The following KIF13B variants were observed in gnomAD, a reference collection of about 807,000 sequenced individuals.
KIF13B encodes kinesin family member 13B.
In KIF13B, 127 loss-of-function variants were observed where a neutral mutation model predicts 222.0. The observed-to-expected ratio is 0.57, with a 90% confidence interval of 0.50 to 0.66. The LOEUF is 0.66. Ranked by LOEUF, KIF13B falls within the 30% of genes least tolerant of loss-of-function variation. The pLI, the probability that KIF13B is intolerant of heterozygous loss-of-function variation, is 0.00. For missense variants in KIF13B, 2,173 were observed against 2,379.0 expected (o/e 0.91, Z 1.80); for synonymous variants, 976 against 919.0 (o/e 1.06, Z -1.12).
chr8:29,159,698 C>T (rs566404496), intron 13 of KIF13B, among the ~76,000 whole-genome samples: 1 of 152,244 alleles, frequency 6.6e-6, no homozygotes, highest in African/African-American at 2.4e-5. Context: ...TCACTCCCTC[C>T]TACCCCAGCT....
At chr8:29,115,113 C>T (rs1205501014) in intron 31 of KIF13B, among the ~76,000 whole-genome samples, 2 of 152,120 alleles carry the variant, frequency 1.3e-5, no homozygotes, top group Non-Finnish European at 2.9e-5. Flanking sequence ...ATCAGTGTGA[C>T]ATTTAGAACT....
chr8:29,075,944 C>T (rs1161300628), intron 37 of KIF13B, among the ~76,000 whole-genome samples: 1 of 152,134 alleles, frequency 6.6e-6, no homozygotes, highest in African/African-American at 2.4e-5. Flanking sequence ...ACAACATGAC[C>T]GGAAGAATAT....
At chr8:29,164,683 G>C (rs1186364486) in intron 12 of KIF13B, among the ~76,000 whole-genome samples, 2 of 152,192 alleles carry the variant, frequency 1.3e-5, no homozygotes, top group Admixed American at 1.3e-4. Context: ...AAGCCTGTTA[G>C]ATGGGGTCCT....
In KIF13B at chr8:29,140,610, C is replaced by G. The variant is rs758163466; in HGVS notation, c.2342G>C (p.Arg781Pro). The change falls in exon 20 of 40, where the codon CGA (arginine) becomes CCA (proline). Residue 781 changes from arginine (R) to proline (P), a missense_variant. Around this residue, in one of 2 missense-constraint regions of KIF13B, gnomAD observed 1,480 missense variants for 1,722.8 expected, o/e 0.86. Coordinates refer to ENST00000524189, the MANE Select transcript of KIF13B (RefSeq NM_015254.4). ...KECEEDNPVI[R>P]SYFKRADPFY... ...TGGATCAGCACGTTTGAAGTATGATCGTATTACCTGTAAAGAGATTGAGAA... is the reference window on the plus strand; with the variant it reads ...TGGATCAGCACGTTTGAAGTATGATGGTATTACCTGTAAAGAGATTGAGAA... 3.1e-6 allele frequency: 5 copies of G among 1,612,160 alleles called. No homozygotes were observed. The highest frequency in any genetic ancestry group is 4.2e-6 in the Non-Finnish European group (5 of 1,179,172).
chr8:29,155,314 A>G (rs189152122), intron 14 of KIF13B, among the ~76,000 whole-genome samples: 4 of 152,230 alleles, frequency 2.6e-5, no homozygotes, highest in African/African-American at 9.6e-5. Flanking sequence ...GTGACTCCCC[A>G]CAGGAGAACA....
chr8:29,122,354 C>T (rs1020400566), intron 29 of KIF13B, among the ~76,000 whole-genome samples: 2 of 152,146 alleles, frequency 1.3e-5, no homozygotes, highest in East Asian at 1.9e-4. Flanking sequence ...CACATGGCAC[C>T]GTGAGCTGCA....
chr8:29,111,286 G>A (rs898518875), intron 32 of KIF13B, among the ~76,000 whole-genome samples: 1 of 152,238 alleles, frequency 6.6e-6, no homozygotes, highest in Admixed American at 6.5e-5. Context: ...AGGGTCTGGA[G>A]GGAACAGATA....
chr8:29,191,360 T>G (rs983535046), intron 3 of KIF13B, among the ~76,000 whole-genome samples: 2 of 103,026 alleles, frequency 1.9e-5, no homozygotes, highest in African/African-American at 4.2e-5. Flanking sequence ...ATTAGTGATC[T>G]GTTTCATGTT....
intron 37 of KIF13B, among the ~76,000 whole-genome samples, chr8:29,077,998 G>A (rs751752016): frequency 2.0e-5 from 3 of 151,886 alleles, no homozygotes; most frequent in Non-Finnish European, 4.4e-5. Flanking sequence ...AAAGCAGAGA[G>A]GAGGCCAGGC....
At chr8:29,178,187 T>G (rs571911961) in intron 8 of KIF13B, among the ~76,000 whole-genome samples, 61 of 152,238 alleles carry the variant, frequency 4.0e-4, no homozygotes, top group African/African-American at 1.4e-3. Flanking sequence ...AAAGTACTTA[T>G]AAGACTCAAA....
At chr8:29,126,445 T>G (rs1396704257) in intron 26 of KIF13B, 37 bp downstream of exon 26, 1 of 1,357,780 alleles carries the variant, frequency 7.4e-7, no homozygotes, top group Admixed American at 1.9e-5. Context: ...ACTTTAATCA[T>G]GCTTATTTGA....
intron 36 of KIF13B, among the ~76,000 whole-genome samples, chr8:29,094,806 C>T (rs921917783): frequency 2.6e-5 from 4 of 151,774 alleles, no homozygotes; most frequent in Non-Finnish European, 5.9e-5. Context: ...AGTGCACAGA[C>T]CAGGAACATC....
chr8:29,241,706 G>GAAAAAAAA (rs75531371), intron 2 of KIF13B, among the ~76,000 whole-genome samples: 1 of 96,710 alleles, frequency 1.0e-5, no homozygotes. Flanking sequence ...GCAAGGGAGG[G>GAAAAAAAA]AAAAAAAAAA....
chr8:29,251,827 A>T (rs1816296387), intron 1 of KIF13B, among the ~76,000 whole-genome samples: 1 of 152,240 alleles, frequency 6.6e-6, no homozygotes, highest in African/African-American at 2.4e-5. Context: ...CACATGGACA[A>T]CAGTTTATTC....
chr8:29,097,720 T>A (rs1458350028), intron 36 of KIF13B, among the ~76,000 whole-genome samples: 2 of 151,584 alleles, frequency 1.3e-5, no homozygotes, highest in Non-Finnish European at 2.9e-5. Flanking sequence ...TGCAGAAAAA[T>A]TTAAAAAATC....
At chr8:29,252,558 C>T (rs1365534583) in intron 1 of KIF13B, among the ~76,000 whole-genome samples, 1 of 152,164 alleles carries the variant, frequency 6.6e-6, no homozygotes. Context: ...CATTTGGGTT[C>T]ATTTTTTAAA....
chr8:29,216,312 C>A (rs1019832855), intron 2 of KIF13B, among the ~76,000 whole-genome samples: 1 of 152,140 alleles, frequency 6.6e-6, no homozygotes, highest in African/African-American at 2.4e-5. Flanking sequence ...AAGCCACGTA[C>A]TAGGCCGGGC....
At chr8:29,163,133 T>C (rs916906510) in intron 12 of KIF13B, among the ~76,000 whole-genome samples, 1 of 152,252 alleles carries the variant, frequency 6.6e-6, no homozygotes, top group African/African-American at 2.4e-5. Flanking sequence ...CAATGTGGTA[T>C]AGCAGATATG....
intron 36 of KIF13B, among the ~76,000 whole-genome samples, chr8:29,096,147 A>C (rs1446438777): frequency 6.6e-6 from 1 of 151,610 alleles, no homozygotes; most frequent in Non-Finnish European, 1.5e-5. Context: ...ACACCTGGCT[A>C]ATTTTTGTGT....
Sources: allele counts gnomAD v4.1 joint callset (sites outside exome capture counted in the v4.1 genomes callset), GRCh38; gene constraint gnomAD v4.1.1; regional missense constraint gnomAD v4.1.1; transcripts MANE v1.5; gene names NCBI Gene and HGNC (gene_info 2026-07-23, HGNC 2026-07-21).